LSG1: variants seen among roughly 807,000 people sequenced by gnomAD.
LSG1 encodes the protein large subunit GTPase 1 homolog.
In LSG1, 55 loss-of-function variants were observed where a neutral mutation model predicts 82.6. That is an observed-to-expected ratio of 0.67 (90% CI 0.54 to 0.83). The LOEUF is 0.83. Among genes scored for constraint, LSG1 ranks in the 40% least tolerant of loss-of-function variants. LSG1 has a pLI of 0.00. For missense variants in LSG1, 809 were observed against 807.9 expected, an observed-to-expected ratio of 1.00 and a Z score of -0.02; for synonymous variants, 272 against 282.5, an observed-to-expected ratio of 0.96 and a Z score of 0.37.
chr3:194,655,369 T>C (rs889115529), intron 7 of LSG1, among the ~76,000 whole-genome samples: 21 of 152,198 alleles, frequency 1.4e-4, no homozygotes, highest in African/African-American at 4.8e-4. Flanking sequence ...GATAGGGTTA[T>C]TGCATCAGGG....
In LSG1 at chr3:194,667,783, G is replaced by A. The variant is rs576185175; in HGVS notation, c.227-1211C>T. On this transcript the variant is annotated intron_variant, in intron 2 of 13. Coordinates refer to ENST00000265245, the MANE Select transcript of LSG1 (RefSeq NM_018385.3). ...AGTAAAAATACAAAAATTAGCCAGGGGTGGTGGTGCATGCCTGTAATCCCA... is the reference window on the plus strand; with the variant it reads ...AGTAAAAATACAAAAATTAGCCAGGAGTGGTGGTGCATGCCTGTAATCCCA... Among the ~76,000 whole-genome samples, 24 of 150,644 alleles carry A rather than the reference G, an allele frequency of 1.6e-4. No homozygotes were observed. In the East Asian group the frequency reaches 3.4e-3, roughly 21 times the overall value.
Position 194,644,758 on chromosome 3 carries a change from A to G in LSG1, c.1624-12T>C. 6.3e-7 allele frequency: 1 copy of G among 1,596,648 alleles called. No homozygotes were observed. Among genetic ancestry groups the G allele is most frequent in the Non-Finnish European group, 8.5e-7 (1 of 1,170,628 alleles). On this transcript the variant is annotated splice_polypyrimidine_tract_variant and intron_variant, in intron 12 of 13. Transcript: ENST00000265245. ...TACAGCAGCTTACCCTACAAAGACA[A>G]CATGAATGACAACAGTGCAGCCTAA...
intron 5 of LSG1, 147 bp downstream of exon 5, chr3:194,665,410 T>C: frequency 1.9e-6 from 1 of 525,110 alleles, no homozygotes; most frequent in Non-Finnish European, 3.4e-6. Context: ...AAATATACGG[T>C]AGTATCATGC....
chr3:194,661,229 T>C (rs1718921714), intron 5 of LSG1, among the ~76,000 whole-genome samples: 1 of 152,220 alleles, frequency 6.6e-6, no homozygotes, highest in Non-Finnish European at 1.5e-5. Context: ...TTTTTTAAGT[T>C]CTCTAGTTCA....
At position 194,642,006 on chromosome 3, in the gene LSG1, C is replaced by T; in HGVS notation, c.*62G>A. ...TGTCTTGGGACGGTTCCACAGGCAA[C>T]AGGCAGCTTCTGCTCTTTTCCATCT... On this transcript the variant is annotated 3_prime_UTR_variant, in exon 14 of 14. Coordinates refer to ENST00000265245, the MANE Select transcript of LSG1 (RefSeq NM_018385.3). 1.3e-6 allele frequency: 2 copies of T among 1,558,880 alleles called. No individual in the cohort carries two copies. The highest frequency in any genetic ancestry group is 1.2e-5 in the South Asian group (1 of 83,714).
chr3:194,644,660 C>G lies in LSG1; in HGVS notation c.1710G>C (p.Met570Ile). The G allele has an allele frequency of 6.2e-7, 1 of 1,611,828 alleles. No homozygotes were observed. Among genetic ancestry groups the G allele is most frequent in the Non-Finnish European group, 8.5e-7 (1 of 1,178,710 alleles). The change falls in exon 13 of 14, where the codon ATG becomes ATC. Residue 570 changes from methionine (M) to isoleucine (I), a missense_variant. Transcript: ENST00000265245. Reference sequence around the variant, plus strand: ...GCTGCATTTTTATTTCATCACTGTTCATTTTGTTCTCTAGGAGTCGCTGGT... The same window carrying G: ...GCTGCATTTTTATTTCATCACTGTTGATTTTGTTCTCTAGGAGTCGCTGGT... ...HQHQRLLENKMNSDEIKMQLG... is the reference protein window; with the variant it reads ...HQHQRLLENKINSDEIKMQLG...
chr3:194,657,962 G>A (rs559174430), intron 7 of LSG1, among the ~76,000 whole-genome samples: 39 of 152,186 alleles, frequency 2.6e-4, no homozygotes, highest in Middle Eastern at 6.8e-3. Context: ...ATAGTTAGAG[G>A]TGAGAGCTTA....
intron 12 of LSG1, among the ~76,000 whole-genome samples, chr3:194,645,577 C>CACACACACACACAGACAG: frequency 3.0e-5 from 1 of 33,328 alleles, no homozygotes; most frequent in East Asian, 1.5e-3. Flanking sequence ...CACAGACAGA[C>CACACACACACACAGACAG]ACACACACAC....
At chr3:194,645,545 C>CACACACACACAGACAG (rs1718518775) in intron 12 of LSG1, 1 of 47,442 alleles carries the variant, frequency 2.1e-5, no homozygotes, top group Non-Finnish European at 4.3e-5. Flanking sequence ...GACACACACA[C>CACACACACACAGACAG]ACACACACAC....
chr3:194,654,087 A>G (rs576338099), intron 7 of LSG1, among the ~76,000 whole-genome samples: 2 of 152,186 alleles, frequency 1.3e-5, no homozygotes, highest in Non-Finnish European at 2.9e-5. Flanking sequence ...TTCATTTTAC[A>G]TTTGTATTTT....
chr3:194,665,688 G>T (rs1312200213), intron 4 of LSG1, 45 bp from the exon 5 acceptor site: 5 of 1,205,876 alleles, frequency 4.1e-6, no homozygotes, highest in Non-Finnish European at 6.1e-6. Context: ...GATTATAATA[G>T]ACAATTTTTA....
chr3:194,648,897 G>T, intron 10 of LSG1, 93 bp from the exon 11 acceptor site: 1 of 1,276,768 alleles, frequency 7.8e-7, no homozygotes, highest in African/African-American at 1.5e-5. Context: ...TTCATTCCGC[G>T]TGTGACAAAC....
At chr3:194,667,547 C>T (rs1352762656) in intron 2 of LSG1, among the ~76,000 whole-genome samples, 1 of 152,144 alleles carries the variant, frequency 6.6e-6, no homozygotes, top group Non-Finnish European at 1.5e-5. Context: ...TTCCTCACCT[C>T]CCACTTCCTG....
Position 194,646,520 on chromosome 3 carries a change from T to C in LSG1, c.1544-277A>G, listed in dbSNP as rs1463885485. 29 of 243,586 alleles carry C rather than the reference T, an allele frequency of 1.2e-4. No homozygotes were observed. In the East Asian group the frequency reaches 2.6e-3, roughly 22 times the overall value. The allele number at this position is 243,586 out of a possible 1,614,324, so 15.1% of individuals were successfully genotyped here. A position where few individuals can be genotyped will look rare whatever the true frequency, so the allele number is the denominator to read the frequency against. On this transcript the variant is annotated intron_variant, in intron 11 of 13. Coordinates refer to ENST00000265245, the MANE Select transcript of LSG1 (RefSeq NM_018385.3). Reference sequence around the variant, plus strand: ...CAGTTATTTCTTCTCTTTATTTTATTTTTATTTTATTTTTTGTTGAGATGG... The same window carrying C: ...CAGTTATTTCTTCTCTTTATTTTATCTTTATTTTATTTTTTGTTGAGATGG...
rs1060827 is a variant in LSG1, at chr3:194,641,992, G to A, written c.*76C>T. ...TTCTACAGTGCTAGTGTCTTGGGAC[G>A]GTTCCACAGGCAACAGGCAGCTTCT... On this transcript the variant is annotated 3_prime_UTR_variant, in exon 14 of 14. Coordinates refer to ENST00000265245, the MANE Select transcript of LSG1 (RefSeq NM_018385.3). 0.85 allele frequency: 1,271,422 copies of A among 1,498,140 alleles called. 540,667 individuals are homozygous for A. Among genetic ancestry groups the A allele is most frequent in the South Asian group, 0.89 (70,238 of 79,276 alleles). 92.8% of individuals were successfully genotyped at this position (1,498,140 alleles called of 1,614,324 possible).
At chr3:194,666,865 C>T (rs1356012606) in intron 2 of LSG1, among the ~76,000 whole-genome samples, 1 of 152,142 alleles carries the variant, frequency 6.6e-6, no homozygotes, top group Admixed American at 6.5e-5. Context: ...TATTAAAATA[C>T]AGCATCATCT....
At chr3:194,650,694 C>T (rs1283629259) in intron 10 of LSG1, 187 bp downstream of exon 10, 1 of 552,984 alleles carries the variant, frequency 1.8e-6, no homozygotes, top group Admixed American at 3.8e-5. Context: ...TTCTTCAAGG[C>T]TACACTGCTG....
chr3:194,642,173 T>C lies in LSG1; in HGVS notation c.1872A>G (p.Ala624=). 1.2e-6 allele frequency: 2 copies of C among 1,614,158 alleles called. No homozygotes were observed. Among genetic ancestry groups the C allele is most frequent in the Non-Finnish European group, 1.7e-6 (2 of 1,180,032 alleles). ...GYKPGSGVVT[A]STASSENGAG... is the part of the protein sequence containing the mutation. ...CCCCGTTCTCAGAGCTCGCAGTGGATGCAGTCACTACACCACTCCCGGGCT... is the reference window on the plus strand; with the variant it reads ...CCCCGTTCTCAGAGCTCGCAGTGGACGCAGTCACTACACCACTCCCGGGCT... The change falls in exon 14 of 14, where the codon GCA becomes GCG. Residue 624 remains alanine, a synonymous_variant. Transcript: ENST00000265245.
chr3:194,644,737 G>A lies in LSG1; in HGVS notation c.1633C>T (p.Leu545=). The stretch of plus-strand genomic sequence containing the variant: ...CTTCCAGGAGGAGGATGGCAGTACA[G>A]CAGCTTACCCTACAAAGACAACATG... ...ILKDYVSGKL[L]YCHPPPGRDP... is the part of the protein sequence containing the mutation. Residue 545 remains leucine (L), a synonymous_variant, in exon 13 of 14, where the codon CTG becomes TTG. Transcript: ENST00000265245. The A allele has an allele frequency of 6.2e-7, 1 of 1,604,074 alleles. No individual in the cohort carries two copies. The highest frequency in any genetic ancestry group is 8.5e-7 in the Non-Finnish European group (1 of 1,174,526).
Sources: allele counts gnomAD v4.1 joint callset (sites outside exome capture counted in the v4.1 genomes callset), GRCh38; gene constraint gnomAD v4.1.1; transcripts MANE v1.5; gene names NCBI Gene and HGNC (gene_info 2026-07-23, HGNC 2026-07-21).